The following NR3C2 variants were observed in gnomAD, a reference collection of about 807,000 sequenced individuals.
The protein encoded by NR3C2 is nuclear receptor subfamily 3 group C member 2, also known as mineralocorticoid receptor.
NR3C2 carries 15 observed loss-of-function variants against 86.4 expected under a neutral mutation model. The ratio of observed to expected loss-of-function variants is 0.17; its 90% confidence interval spans 0.12 to 0.27. The LOEUF is 0.27. NR3C2 is among the 10% of genes least tolerant of loss of function. NR3C2 has a pLI of 1.00. For synonymous variants in NR3C2, 458 were observed against 450.5 expected (o/e 1.02, Z -0.21); for missense variants, 960 against 1,195.6 (o/e 0.80, Z 2.91).
In NR3C2 at chr4:148,080,452, C is replaced by CA. The variant is rs897808025; in HGVS notation, c.*891dup. 1.6e-4 allele frequency: 24 copies of CA among 153,278 alleles called. No individual in the cohort carries two copies. Among genetic ancestry groups the CA allele is most frequent in the South Asian group, 6.1e-4 (3 of 4,922 alleles). The allele number at this position is 153,278 out of a possible 1,614,324, so 9.5% of individuals were successfully genotyped here. The stretch of plus-strand genomic sequence containing the variant: ...TATGCATGCAGGACATTGCACTTTA[C>CA]AAAAAAAAATTACCTTGTTTAGACA... On this transcript the variant is annotated 3_prime_UTR_variant, in exon 9 of 9. Transcript: ENST00000358102.
chr4:148,214,303 CCT>C (rs1399900542), intron 3 of NR3C2, among the ~76,000 whole-genome samples: 3 of 151,988 alleles, frequency 2.0e-5, no homozygotes, highest in African/African-American at 7.3e-5. Flanking sequence ...AGAAAGATCT[CCT>C]GTTTGTCAGT....
chr4:148,346,612 G>A (rs1237080246), intron 2 of NR3C2, among the ~76,000 whole-genome samples: 1 of 151,990 alleles, frequency 6.6e-6, no homozygotes, highest in Non-Finnish European at 1.5e-5. Flanking sequence ...TGGTGCACCT[G>A]GGATACAGCT....
chr4:148,197,410 G>C (rs1277922338), intron 3 of NR3C2, among the ~76,000 whole-genome samples: 1 of 152,108 alleles, frequency 6.6e-6, no homozygotes, highest in East Asian at 1.9e-4. Flanking sequence ...AAGTATTTAT[G>C]GGGAACCTCC....
chr4:148,125,513 C>A (rs1397235745), intron 6 of NR3C2, among the ~76,000 whole-genome samples: 2 of 152,150 alleles, frequency 1.3e-5, no homozygotes, highest in East Asian at 3.8e-4. Context: ...CTTTAAAGCA[C>A]CCTGCCTATG....
chr4:148,199,080 CAAAAA>C (rs60075012), intron 3 of NR3C2, among the ~76,000 whole-genome samples: 3 of 37,498 alleles, frequency 8.0e-5, no homozygotes, highest in Non-Finnish European at 1.7e-4. Flanking sequence ...GACTCCATCT[CAAAAA>C]AAAAAAAAAA....
upstream of NR3C2, among the ~76,000 whole-genome samples, chr4:148,443,348 A>G (rs1750449118): frequency 7.0e-6 from 1 of 143,752 alleles, no homozygotes; most frequent in Admixed American, 6.9e-5. Context: ...CTACTTTAGT[A>G]TTGGATTTTT....
intron 2 of NR3C2, among the ~76,000 whole-genome samples, chr4:148,303,779 G>T (rs1376393419): frequency 1.3e-5 from 2 of 152,194 alleles, no homozygotes; most frequent in Non-Finnish European, 2.9e-5. Context: ...TCCATTTCAT[G>T]GATAAAGGTC....
At chr4:148,402,650 G>C (rs2126537261) in intron 2 of NR3C2, among the ~76,000 whole-genome samples, 1 of 152,198 alleles carries the variant, frequency 6.6e-6, no homozygotes, top group East Asian at 1.9e-4. Context: ...AAGTCCTTGA[G>C]GTAAGGAACT....
intron 2 of NR3C2, among the ~76,000 whole-genome samples, chr4:148,361,406 A>G (rs1375056159): frequency 2.6e-5 from 4 of 152,254 alleles, no homozygotes; most frequent in Non-Finnish European, 4.4e-5. Context: ...ATTATTGCCA[A>G]CATCATCATT....
At chr4:148,103,242 A>G (rs1205493703) in intron 8 of NR3C2, among the ~76,000 whole-genome samples, 1 of 152,168 alleles carries the variant, frequency 6.6e-6, no homozygotes, top group African/African-American at 2.4e-5. Flanking sequence ...GACACTCCGT[A>G]TCACACCACC....
chr4:148,260,835 C>A (rs965058898), intron 2 of NR3C2, among the ~76,000 whole-genome samples: 2 of 152,138 alleles, frequency 1.3e-5, no homozygotes, highest in African/African-American at 4.8e-5. Context: ...CTTTAGGCAA[C>A]AATCTGTTTG....
chr4:148,098,889 G>A (rs976041919), intron 8 of NR3C2, among the ~76,000 whole-genome samples: 8 of 152,166 alleles, frequency 5.3e-5, no homozygotes, highest in African/African-American at 1.9e-4. Flanking sequence ...GCTTAAGAGT[G>A]TCTCACTCCT....
chr4:148,311,965 C>T (rs1001476477), intron 2 of NR3C2, among the ~76,000 whole-genome samples: 3 of 152,196 alleles, frequency 2.0e-5, no homozygotes, highest in South Asian at 2.1e-4. Context: ...CTACTGATCC[C>T]GCAGTACTCT....
At chr4:148,175,203 G>A (rs1263366065) in intron 4 of NR3C2, among the ~76,000 whole-genome samples, 2 of 151,840 alleles carry the variant, frequency 1.3e-5, no homozygotes, top group Non-Finnish European at 2.9e-5. Flanking sequence ...ACTAAAGGCC[G>A]GTTAAAAAAA....
chr4:148,379,792 G>A (rs527430780), intron 2 of NR3C2, among the ~76,000 whole-genome samples: 1 of 152,002 alleles, frequency 6.6e-6, no homozygotes, highest in East Asian at 1.9e-4. Flanking sequence ...TAAGAAGCAG[G>A]ATAACATTAA....
intron 2 of NR3C2, among the ~76,000 whole-genome samples, chr4:148,388,020 T>C (rs749720885): frequency 3.4e-4 from 51 of 152,200 alleles, no homozygotes; most frequent in Non-Finnish European, 7.1e-4. Flanking sequence ...TCAGTTTGTT[T>C]AGAGTCATTC....
rs111329724 is a variant in NR3C2 at position 148,223,939 on chromosome 4, G to A, written c.1898-29077C>T. 8.6e-3 allele frequency among the ~76,000 whole-genome samples: 1,301 copies of A among 152,150 alleles called. 16 individuals are homozygous for A. The highest frequency in any genetic ancestry group is 0.029 in the African/African-American group (1,208 of 41,486). ...AATATAGGCATGGGAAGATCCTATA[G>A]GCAAATGAACATATAGAACCTAAAA... is the stretch of plus-strand genomic sequence containing the variant. On this transcript the variant is annotated intron_variant, in intron 3 of 8. Coordinates refer to ENST00000358102, the MANE Select transcript of NR3C2 (RefSeq NM_000901.5).
chr4:148,199,118 C>T (rs183953159), intron 3 of NR3C2, among the ~76,000 whole-genome samples: 27 of 148,810 alleles, frequency 1.8e-4, no homozygotes, highest in African/African-American at 6.7e-4. Context: ...ATGAGAAAAT[C>T]CAAAGAACAA....
intron 2 of NR3C2, among the ~76,000 whole-genome samples, chr4:148,327,082 C>T (rs1201213229): frequency 2.6e-5 from 4 of 152,108 alleles, no homozygotes; most frequent in Admixed American, 6.5e-5. Context: ...CGTAAGTACA[C>T]GTTACATAAT....
Sources: allele counts gnomAD v4.1 joint callset (sites outside exome capture counted in the v4.1 genomes callset), GRCh38; gene constraint gnomAD v4.1.1; transcripts MANE v1.5; gene names NCBI Gene and HGNC (gene_info 2026-07-23, HGNC 2026-07-21).